PDZRN3: variants seen among roughly 807,000 people sequenced by gnomAD.
The protein encoded by PDZRN3 is PDZ domain containing ring finger 3.
A neutral mutation model predicts 85.7 loss-of-function variants in PDZRN3; 38 were observed. The observed-to-expected ratio is 0.44, with a 90% CI of 0.34 to 0.58. The LOEUF (loss-of-function observed/expected upper bound fraction) is 0.58. Ranked by LOEUF, PDZRN3 falls within the 20% of genes least tolerant of loss-of-function variation. The probability of loss-of-function intolerance (pLI) is 0.01; values close to 1 mark genes in which losing one functional copy is unlikely to be tolerated. For missense variants in PDZRN3, 1,629 were observed against 1,506.4 expected (o/e 1.08, Z -1.35); for synonymous variants, 759 against 638.0 (o/e 1.19, Z -2.86).
intron 2 of PDZRN3, among the ~76,000 whole-genome samples, chr3:73,606,153 G>C (rs1028346561): frequency 4.6e-5 from 7 of 152,228 alleles, no homozygotes; most frequent in African/African-American, 1.7e-4. Context: ...CTGGGGCAGG[G>C]AATAGGTCTT....
intron 3 of PDZRN3, chr3:73,433,539 C>A (rs144162314): frequency 2.7e-6 from 2 of 732,586 alleles, no homozygotes; most frequent in African/African-American, 3.5e-5. Flanking sequence ...ACAAAATATG[C>A]ACAAAAACAC....
chr3:73,569,384 G>A (rs1702008815), intron 3 of PDZRN3: 8 of 1,199,942 alleles, frequency 6.7e-6, no homozygotes, highest in Non-Finnish European at 8.4e-6. Context: ...GGGGCCACAT[G>A]TGTGCCGCAT....
intron 3 of PDZRN3, chr3:73,556,585 A>C (rs1033431230): frequency 1.3e-5 from 2 of 152,168 alleles, no homozygotes; most frequent in Non-Finnish European, 2.9e-5. Flanking sequence ...TGTTGGATAA[A>C]ATATGGGGAG....
At chr3:73,469,000 T>C (rs369524893) in intron 3 of PDZRN3, among the ~76,000 whole-genome samples, 1 of 152,102 alleles carries the variant, frequency 6.6e-6, no homozygotes, top group South Asian at 2.1e-4. Context: ...ATTATTATTA[T>C]GATTATACTT....
intron 3 of PDZRN3, among the ~76,000 whole-genome samples, chr3:73,504,104 A>G (rs765087951): frequency 9.9e-5 from 15 of 152,280 alleles, no homozygotes; most frequent in Non-Finnish European, 2.2e-4. Flanking sequence ...ACTGCTGTGT[A>G]TGTGTGTCTG....
chr3:73,599,445 T>A lies in PDZRN3; in HGVS notation c.918+2909A>T, dbSNP rs555174148. On this transcript the variant is annotated intron_variant, in intron 3 of 9. Coordinates refer to ENST00000263666, the MANE Select transcript of PDZRN3 (RefSeq NM_015009.3). ...AGTTGAGGTGGGGAGGGAGTTAGTATTTAGTGAGTGTAGAGTTTCAGTCGA... is the reference window on the plus strand; with the variant it reads ...AGTTGAGGTGGGGAGGGAGTTAGTAATTAGTGAGTGTAGAGTTTCAGTCGA... 9.9e-5 allele frequency among the ~76,000 whole-genome samples: 15 copies of A among 152,224 alleles called. No individual in the cohort carries two copies. The South Asian group carries it at 3.1e-3, about 32-fold the overall frequency.
chr3:73,385,252 C>T (rs1435207284), intron 9 of PDZRN3, among the ~76,000 whole-genome samples: 1 of 152,176 alleles, frequency 6.6e-6, no homozygotes, highest in Non-Finnish European at 1.5e-5. Context: ...GGTCCTTGTT[C>T]AACTCAATAA....
chr3:73,464,183 C>T (rs1703164342), intron 3 of PDZRN3, among the ~76,000 whole-genome samples: 1 of 152,066 alleles, frequency 6.6e-6, no homozygotes, highest in Non-Finnish European at 1.5e-5. Flanking sequence ...GATGGGGTTT[C>T]ACCATGTTGG....
Position 73,614,411 on chromosome 3 carries a change from C to T in PDZRN3, c.724-5727G>A, listed in dbSNP as rs576845569. Among the ~76,000 whole-genome samples the T allele has an allele frequency of 6.6e-5, 10 of 152,286 alleles. No homozygotes were observed. In the East Asian group the frequency reaches 1.4e-3, roughly 21 times the overall value. On this transcript the variant is annotated intron_variant, in intron 1 of 9. Coordinates refer to ENST00000263666, the MANE Select transcript of PDZRN3 (RefSeq NM_015009.3). ...GAGTGTGGTGGTTCACAGGGTCCATCCACGCCACTGTCAATGTGGACTCTT... is the reference window on the plus strand; with the variant it reads ...GAGTGTGGTGGTTCACAGGGTCCATTCACGCCACTGTCAATGTGGACTCTT...
chr3:73,423,019 T>C (rs749468870), intron 3 of PDZRN3, among the ~76,000 whole-genome samples: 1 of 152,232 alleles, frequency 6.6e-6, no homozygotes, highest in African/African-American at 2.4e-5. Flanking sequence ...TAGTAACTAG[T>C]ATATAAAATG....
rs201058410 is a variant in PDZRN3, at chr3:73,384,250, C to G, written c.2316G>C (p.Glu772Asp). Residue 772 changes from glutamate (E) to aspartate (D), a missense_variant, in exon 10 of 10, where the codon GAG becomes GAC. Physicochemically the swap from Glu to Asp is conservative, Grantham distance 45. Coordinates refer to ENST00000263666, the MANE Select transcript of PDZRN3 (RefSeq NM_015009.3). ...TCCTCAAGGAGTTGTCGGGGGAGAT[C>G]TCCAGGGTGAGCGGGGTGCTGCGGC... ...ESCRSTPLTLEISPDNSLRRA... is the reference protein window; with the variant it reads ...ESCRSTPLTLDISPDNSLRRA... 3.1e-6 allele frequency: 5 copies of G among 1,613,414 alleles called. No individual in the cohort carries two copies. The highest frequency in any genetic ancestry group is 3.4e-6 in the Non-Finnish European group (4 of 1,179,884).
At chr3:73,417,260 A>G (rs1702110747) in intron 3 of PDZRN3, among the ~76,000 whole-genome samples, 1 of 152,114 alleles carries the variant, frequency 6.6e-6, no homozygotes, top group African/African-American at 2.4e-5. Flanking sequence ...CTTCATTTTC[A>G]TTATGCAAAT....
chr3:73,498,619 C>T (rs1158897724), intron 3 of PDZRN3, among the ~76,000 whole-genome samples: 1 of 151,116 alleles, frequency 6.6e-6, no homozygotes, highest in Non-Finnish European at 1.5e-5. Context: ...GAGTCTAGCT[C>T]TGTTGCCCAG....
intron 3 of PDZRN3, among the ~76,000 whole-genome samples, chr3:73,555,976 G>A (rs1012057432): frequency 1.3e-5 from 2 of 152,070 alleles, no homozygotes; most frequent in Non-Finnish European, 1.5e-5. Flanking sequence ...TTCAGAAAAG[G>A]CAATAATTAC....
intron 3 of PDZRN3, among the ~76,000 whole-genome samples, chr3:73,513,714 T>C (rs1704207370): frequency 6.6e-6 from 1 of 152,212 alleles, no homozygotes; most frequent in Admixed American, 6.5e-5. Context: ...GAACCTTTAC[T>C]GAACCAACCA....
chr3:73,531,707 C>T (rs1254887476), intron 3 of PDZRN3, among the ~76,000 whole-genome samples: 1 of 152,186 alleles, frequency 6.6e-6, no homozygotes, highest in Non-Finnish European at 1.5e-5. Context: ...ATGTAGCCTC[C>T]CAAATTCCCA....
chr3:73,384,027 G>A lies in PDZRN3; in HGVS notation c.2539C>T (p.Arg847Trp), dbSNP rs773329304. ...SKERRASDGS[R>W]SPTPSQKLGS... ...AGCTTCTGGCTGGGCGTGGGGCTCCGGCTCCCGTCGCTGGCTCTCCGCTCT... is the reference window on the plus strand; with the variant it reads ...AGCTTCTGGCTGGGCGTGGGGCTCCAGCTCCCGTCGCTGGCTCTCCGCTCT... The change falls in exon 10 of 10, where the codon CGG (arginine) becomes TGG (tryptophan). Residue 847 changes from arginine to tryptophan, a missense_variant. Physicochemically the swap from Arg to Trp is moderately radical, Grantham distance 101 (BLOSUM62 -3). Transcript: ENST00000263666. The A allele has an allele frequency of 9.4e-5, 149 of 1,592,732 alleles. No homozygotes were observed. The highest frequency in any genetic ancestry group is 1.2e-4 in the Non-Finnish European group (140 of 1,170,980).
At chr3:73,567,821 C>A (rs965777982) in intron 3 of PDZRN3, among the ~76,000 whole-genome samples, 2 of 152,180 alleles carry the variant, frequency 1.3e-5, no homozygotes, top group Admixed American at 6.5e-5. Flanking sequence ...GTATGTCAGG[C>A]ACCTCCCTAG....
intron 3 of PDZRN3, among the ~76,000 whole-genome samples, chr3:73,540,433 T>G (rs1010193319): frequency 3.9e-4 from 60 of 152,190 alleles, no homozygotes; most frequent in Non-Finnish European, 1.0e-4. Context: ...AAATGACTGT[T>G]ACGGTTTGGC....
Sources: allele counts gnomAD v4.1 joint callset (sites outside exome capture counted in the v4.1 genomes callset), GRCh38; gene constraint gnomAD v4.1.1; transcripts MANE v1.5; gene names NCBI Gene and HGNC (gene_info 2026-07-23, HGNC 2026-07-21).